The following GULP1 variants were observed in gnomAD, a reference collection of about 807,000 sequenced individuals.
The protein encoded by GULP1 is PTB domain-containing engulfment adapter protein 1.
A neutral mutation model predicts 40.9 loss-of-function variants in GULP1; 19 were observed. The ratio of observed to expected loss-of-function variants is 0.46; its 90% CI spans 0.32 to 0.68. GULP1 has a LOEUF of 0.68. GULP1 is among the 30% of genes least tolerant of loss of function. The probability of loss-of-function intolerance (pLI) is 0.03; values close to 1 mark genes in which losing one functional copy is unlikely to be tolerated. For synonymous variants in GULP1, 119 were observed against 117.6 expected (o/e 1.01, Z -0.08); for missense variants, 312 against 362.2 (o/e 0.86, Z 1.12).
At chr2:188,550,551 A>T (rs766337639) in intron 7 of GULP1, among the ~76,000 whole-genome samples, 27 of 151,666 alleles carry the variant, frequency 1.8e-4, no homozygotes, top group Non-Finnish European at 3.1e-4. Context: ...TTTTTTAATG[A>T]TGTGAAAGGA....
chr2:188,411,469 C>T (rs982618864), intron 2 of GULP1, among the ~76,000 whole-genome samples: 3 of 152,146 alleles, frequency 2.0e-5, no homozygotes, highest in African/African-American at 7.2e-5. Context: ...CCACTTTGTT[C>T]ACGAGTCCAC....
chr2:188,492,334 C>CAGA (rs2062473421), intron 4 of GULP1, among the ~76,000 whole-genome samples: 1 of 152,026 alleles, frequency 6.6e-6, no homozygotes, highest in Non-Finnish European at 1.5e-5. Flanking sequence ...GAATTAAACA[C>CAGA]ATTGCTCAAA....
intron 1 of GULP1, among the ~76,000 whole-genome samples, chr2:188,300,892 A>G (rs1240321477): frequency 3.9e-5 from 6 of 152,290 alleles, no homozygotes; most frequent in Non-Finnish European, 2.9e-5. Context: ...ACAATAAGAA[A>G]TAACTGTCTT....
intron 2 of GULP1, among the ~76,000 whole-genome samples, chr2:188,416,589 T>C (rs1424484075): frequency 6.6e-6 from 1 of 152,182 alleles, no homozygotes; most frequent in East Asian, 1.9e-4. Flanking sequence ...TTGTGCTTTT[T>C]AGTCTTGTGA....
chr2:188,342,041 A>T (rs1477362489), intron 1 of GULP1, among the ~76,000 whole-genome samples: 1 of 152,202 alleles, frequency 6.6e-6, no homozygotes, highest in Non-Finnish European at 1.5e-5. Flanking sequence ...AACAGTCCTA[A>T]AAGTCCATTT....
intron 6 of GULP1, among the ~76,000 whole-genome samples, chr2:188,536,619 T>G (rs1369179032): frequency 1.3e-5 from 2 of 152,132 alleles, no homozygotes; most frequent in Non-Finnish European, 2.9e-5. Context: ...GGTAATGTGA[T>G]GCCTCCAGAT....
intron 2 of GULP1, among the ~76,000 whole-genome samples, chr2:188,397,381 A>G (rs1441624036): frequency 6.6e-6 from 1 of 152,198 alleles, no homozygotes; most frequent in Non-Finnish European, 1.5e-5. Flanking sequence ...CACCATGTAC[A>G]TTTCTTTATC....
chr2:188,330,400 T>C (rs536059852), intron 1 of GULP1, among the ~76,000 whole-genome samples: 1 of 152,276 alleles, frequency 6.6e-6, no homozygotes, highest in Admixed American at 6.5e-5. Flanking sequence ...TGGGCACTTT[T>C]AAATGTCAGA....
At chr2:188,514,302 A>AT (rs773722158) in intron 4 of GULP1, among the ~76,000 whole-genome samples, 44 of 152,142 alleles carry the variant, frequency 2.9e-4, no homozygotes, top group Non-Finnish European at 5.0e-4. Flanking sequence ...GTTTGCTGAT[A>AT]TTTTTGTGAC....
chr2:188,532,991 T>C (rs1687966231), intron 6 of GULP1, among the ~76,000 whole-genome samples: 1 of 152,284 alleles, frequency 6.6e-6, no homozygotes, highest in South Asian at 2.1e-4. Flanking sequence ...TAGGCTATCA[T>C]ATCTGTTTGG....
chr2:188,341,217 G>A (rs902962842), intron 1 of GULP1, among the ~76,000 whole-genome samples: 1 of 152,078 alleles, frequency 6.6e-6, no homozygotes, highest in African/African-American at 2.4e-5. Flanking sequence ...ACCTCAGGGA[G>A]CTTTTACTCA....
chr2:188,442,310 T>C (rs1463558538), intron 2 of GULP1, among the ~76,000 whole-genome samples: 1 of 152,196 alleles, frequency 6.6e-6, no homozygotes, highest in Non-Finnish European at 1.5e-5. Context: ...GTCACGCCAG[T>C]AAATGTAGTT....
chr2:188,382,608 C>T (rs541202537), intron 1 of GULP1, among the ~76,000 whole-genome samples: 16 of 152,246 alleles, frequency 1.1e-4, no homozygotes, highest in Admixed American at 2.6e-4. Flanking sequence ...AGAAGCTGGG[C>T]GCGGTAGCTC....
At chr2:188,300,221 A>G (rs1165578380) in intron 1 of GULP1, among the ~76,000 whole-genome samples, 1 of 152,282 alleles carries the variant, frequency 6.6e-6, no homozygotes, top group East Asian at 1.9e-4. Context: ...AGCATTAACT[A>G]TATTGGGAGG....
At chr2:188,549,143 T>C (rs1692772900) in intron 7 of GULP1, among the ~76,000 whole-genome samples, 1 of 141,212 alleles carries the variant, frequency 7.1e-6, no homozygotes, top group Non-Finnish European at 1.5e-5. Context: ...ATAAGTGCTT[T>C]GTTCCATGTC....
intron 2 of GULP1, among the ~76,000 whole-genome samples, chr2:188,441,475 G>A (rs930583670): frequency 6.6e-6 from 1 of 152,114 alleles, no homozygotes; most frequent in Admixed American, 6.6e-5. Flanking sequence ...GTTCCTGCTT[G>A]TATTCCACAG....
chr2:188,525,212 G>A (rs1685856159), intron 5 of GULP1, among the ~76,000 whole-genome samples: 2 of 151,806 alleles, frequency 1.3e-5, no homozygotes, highest in East Asian at 3.9e-4. Flanking sequence ...TCCTAATCAT[G>A]TTCAGCAGTT....
chr2:188,293,412 G>A (rs114828436), intron 1 of GULP1, among the ~76,000 whole-genome samples: 2,177 of 152,276 alleles, frequency 0.014, 52 homozygotes, highest in African/African-American at 0.048. Context: ...GAATGTTCAA[G>A]TCATGACTGA....
At chr2:188,328,861 A>C (rs73036455) in intron 1 of GULP1, among the ~76,000 whole-genome samples, 13,987 of 152,148 alleles carry the variant, frequency 0.092, 1,076 homozygotes, top group African/African-American at 0.19. Context: ...TGAATACTTA[A>C]ACATTTAATA....
Sources: allele counts gnomAD v4.1 joint callset (sites outside exome capture counted in the v4.1 genomes callset), GRCh38; gene constraint gnomAD v4.1.1; transcripts MANE v1.5; gene names NCBI Gene and HGNC (gene_info 2026-07-23, HGNC 2026-07-21).